The following SLC7A4 variants were observed in gnomAD, a reference collection of about 807,000 sequenced individuals.
SLC7A4 encodes solute carrier family 7 member 4.
A neutral mutation model predicts 37.8 loss-of-function variants in SLC7A4; 30 were observed. The observed-to-expected ratio is 0.79, with a 90% CI of 0.59 to 1.08. The LOEUF is 1.08. SLC7A4 is among the 50% of genes least tolerant of loss of function. The pLI, the probability that SLC7A4 is intolerant of heterozygous loss-of-function variation, is 0.00. For synonymous variants in SLC7A4, 359 were observed against 376.5 expected (o/e 0.95, Z 0.54); for missense variants, 839 against 843.2 (o/e 1.00, Z 0.06).
At position 21,028,983 on chromosome 22, in the gene SLC7A4, G is replaced by C; in HGVS notation, c.*72C>G. The C allele has an allele frequency of 6.8e-7, 1 of 1,478,500 alleles. No homozygotes were observed. The highest frequency in any genetic ancestry group is 9.0e-7 in the Non-Finnish European group (1 of 1,106,016). 91.6% of individuals were successfully genotyped at this position (1,478,500 alleles called of 1,614,324 possible). On this transcript the variant is annotated 3_prime_UTR_variant, in exon 5 of 5. Coordinates refer to ENST00000382932, the MANE Select transcript of SLC7A4 (RefSeq NM_004173.3). ...ACCCAGGCTGCCCACAACAGAAGGGGCTCTCGGCTTGTCTGGCCTCTCTGG... is the reference window on the plus strand; with the variant it reads ...ACCCAGGCTGCCCACAACAGAAGGGCCTCTCGGCTTGTCTGGCCTCTCTGG...
chr22:21,031,882 G>A, intron 1 of SLC7A4, 30 bp from the exon 2 acceptor site: 1 of 1,409,332 alleles, frequency 7.1e-7, no homozygotes, highest in Non-Finnish European at 9.3e-7. Context: ...ATGACAGGAT[G>A]CGTAGCCGGG....
rs945630200 is a variant in SLC7A4, at chr22:21,029,907, G to A, written c.1427C>T (p.Ala476Val). ...LGFLDGYSPG[A>V]VVTWALGVML... ...AACGCCAAGCGCCCAAGTCACCACT[G>A]CTCCAGGGCTGTACCCATCCAAGAA... The change falls in exon 3 of 5, where the codon GCA (alanine) becomes GTA (valine). Residue 476 changes from alanine to valine, a missense_variant. By Grantham distance (64) the Ala-to-Val change is moderately conservative. Coordinates refer to ENST00000382932, the MANE Select transcript of SLC7A4 (RefSeq NM_004173.3). 6.2e-7 allele frequency: 1 copy of A among 1,613,678 alleles called. No homozygotes were observed. The highest frequency in any genetic ancestry group is 8.5e-7 in the Non-Finnish European group (1 of 1,179,988).
At position 21,030,991 on chromosome 22, in the gene SLC7A4, G is replaced by C; in HGVS notation, c.822C>G (p.Ile274Met). The part of the protein sequence containing the change: ...PRRSVPLAIA[I>M]SLAIAAGAYI... ...AGGCACCAGCTGCAATGGCAAGCGA[G>C]ATGGCGATGGCCAGAGGCACAGACC... Residue 274 changes from isoleucine (I) to methionine (M), a missense_variant, in exon 2 of 5, where the codon ATC (isoleucine) becomes ATG (methionine). Transcript: ENST00000382932. 6.2e-7 allele frequency: 1 copy of C among 1,614,126 alleles called. No homozygotes were observed.
In SLC7A4 at chr22:21,031,586, C is replaced by G. The variant is rs138722356; in HGVS notation, c.227G>C (p.Gly76Ala). The G allele has an allele frequency of 1.1e-4, 170 of 1,607,226 alleles. No homozygotes were observed. The highest frequency in any genetic ancestry group is 1.3e-4 in the Non-Finnish European group (158 of 1,177,458). The change falls in exon 2 of 5, where the codon GGT (glycine) becomes GCT (alanine). Residue 76 changes from glycine to alanine, a missense_variant. Physicochemically the swap from Gly to Ala is moderately conservative, Grantham distance 60. Coordinates refer to ENST00000382932, the MANE Select transcript of SLC7A4 (RefSeq NM_004173.3). ...CAGCAGGGAGGCCACAGCGGCCACA[C>G]CGAAGGACAAGAGCACAGCAGGGCC... ...VAGPAVLLSF[G>A]VAAVASLLAA... is the part of the protein sequence containing the mutation.
At position 21,032,535 on chromosome 22, in the gene SLC7A4, T is replaced by C; in HGVS notation, c.-45A>G. The C allele has an allele frequency of 6.5e-6, 1 of 153,672 alleles. No homozygotes were observed. The highest frequency in any genetic ancestry group is 1.4e-5 in the Non-Finnish European group (1 of 69,196). The allele number at this position is 153,672 out of a possible 1,614,324, so 9.5% of individuals were successfully genotyped here. ...GCAGGATCTGCTGCAACCCACCTGCTGCTGCCGCAGCCGCTGCCTCCGCTC... is the reference window on the plus strand; with the variant it reads ...GCAGGATCTGCTGCAACCCACCTGCCGCTGCCGCAGCCGCTGCCTCCGCTC... On this transcript the variant is annotated 5_prime_UTR_variant, in exon 1 of 5. Transcript: ENST00000382932.
At chr22:21,032,311 A>G (rs1601793161) in intron 1 of SLC7A4, among the ~76,000 whole-genome samples, 1 of 152,130 alleles carries the variant, frequency 6.6e-6, no homozygotes, top group African/African-American at 2.4e-5. Context: ...AGTGGCGGCT[A>G]CATACACCCC....
At position 21,031,546 on chromosome 22, in the gene SLC7A4, A is replaced by G; in HGVS notation, c.267T>C (p.Tyr89=). 6.2e-7 allele frequency: 1 copy of G among 1,610,564 alleles called. No individual in the cohort carries two copies. Among genetic ancestry groups the G allele is most frequent in the South Asian group, 1.1e-5 (1 of 90,818 alleles). The stretch of plus-strand genomic sequence containing the variant: ...GTGGCACACGTGCCCCAAATTCTGC[A>G]TAGCATAGGGCTGCCAGCAGGGAGG... ...AVASLLAALC[Y]AEFGARVPRT... The change falls in exon 2 of 5, where the codon TAT becomes TAC. Residue 89 remains tyrosine, a synonymous_variant. Transcript: ENST00000382932.
Position 21,030,879 on chromosome 22 carries a change from G to T in SLC7A4, c.934C>A (p.Arg312=). ...DSALADAFYQ[R]GYRWAGFIVA... ...ATGAAGCCAGCCCACCTGTAGCCCC[G>T]CTGGTAGAAGGCATCTGCAAGCGCT... The change falls in exon 2 of 5, where the codon CGG becomes AGG. Residue 312 remains arginine, a synonymous_variant. Coordinates refer to ENST00000382932, the MANE Select transcript of SLC7A4 (RefSeq NM_004173.3). 6.2e-7 allele frequency: 1 copy of T among 1,611,354 alleles called. No homozygotes were observed. Among genetic ancestry groups the T allele is most frequent in the South Asian group, 1.1e-5 (1 of 90,672 alleles).
At chr22:21,029,570 A>G (rs1032406690) in intron 3 of SLC7A4, 126 bp from the exon 4 acceptor site, 1 of 1,135,954 alleles carries the variant, frequency 8.8e-7, no homozygotes, top group East Asian at 2.4e-5. Context: ...ACATGTGCTC[A>G]CTCACCATGC....
rs749906037 is a variant in SLC7A4 at position 21,031,661 on chromosome 22, AC to A, written c.151del (p.Val51TrpfsTer240). Reference protein sequence around the residue: ...DLTLLGVGGMVGSGLYVLTGA... With the variant: ...DLTLLGVGGMXGSGLYVLTGA... ...TGTGAGCACGTAGAGACCCGAGCCCACCATGCCACCCACGCCCAGAAGAGTC... is the reference window on the plus strand; with the variant it reads ...TGTGAGCACGTAGAGACCCGAGCCCACATGCCACCCACGCCCAGAAGAGTC... On this transcript the variant is annotated frameshift_variant, in exon 2 of 5. Coordinates refer to ENST00000382932, the MANE Select transcript of SLC7A4 (RefSeq NM_004173.3). LOFTEE classifies it high-confidence loss of function. 6.2e-7 allele frequency: 1 copy of A among 1,613,240 alleles called. No individual in the cohort carries two copies.
chr22:21,031,375 G>A lies in SLC7A4; in HGVS notation c.438C>T (p.Ser146=), dbSNP rs376022025. 30 of 1,610,712 alleles carry A rather than the reference G, an allele frequency of 1.9e-5. No individual in the cohort carries two copies. The East Asian group carries it at 2.7e-4, about 14-fold the overall frequency. ...AWSGYLDSMF[S]HSIRNFTETH... ...TCTCAGTGAAGTTGCGGATGCTGTG[G>A]CTGAACATAGAGTCCAGGTAGCCAC... Residue 146 remains serine (S), a synonymous_variant, in exon 2 of 5, where the codon AGC becomes AGT. Coordinates refer to ENST00000382932, the MANE Select transcript of SLC7A4 (RefSeq NM_004173.3).
rs1439707759 is a variant in SLC7A4, at chr22:21,028,924, T to C, written c.*131A>G. ...CAGCCCCTGGATGAAGGTCCTAAGGTCCTGAGGACTCCCCAGCCTGTGCAG... is the reference window on the plus strand; with the variant it reads ...CAGCCCCTGGATGAAGGTCCTAAGGCCCTGAGGACTCCCCAGCCTGTGCAG... On this transcript the variant is annotated 3_prime_UTR_variant, in exon 5 of 5. Coordinates refer to ENST00000382932, the MANE Select transcript of SLC7A4 (RefSeq NM_004173.3). 1.1e-6 allele frequency: 1 copy of C among 910,492 alleles called. No homozygotes were observed. Among genetic ancestry groups the C allele is most frequent in the Non-Finnish European group, 1.6e-6 (1 of 620,262 alleles). 56.4% of individuals were successfully genotyped at this position (910,492 alleles called of 1,614,324 possible). A position where few individuals can be genotyped will look rare whatever the true frequency, so the allele number is the denominator to read the frequency against.
rs916650960 is a variant in SLC7A4, at chr22:21,028,932, A to G, written c.*123T>C. 7.9e-6 allele frequency: 8 copies of G among 1,009,844 alleles called. No homozygotes were observed. Among genetic ancestry groups the G allele is most frequent in the Non-Finnish European group, 1.1e-5 (8 of 710,246 alleles). The allele number at this position is 1,009,844 out of a possible 1,614,324, so 62.6% of individuals were successfully genotyped here. On this transcript the variant is annotated 3_prime_UTR_variant, in exon 5 of 5. Transcript: ENST00000382932. ...GGATGAAGGTCCTAAGGTCCTGAGG[A>G]CTCCCCAGCCTGTGCAGGCCTGCAA...
Position 21,030,234 on chromosome 22 carries a change from G to A in SLC7A4, c.1100C>T (p.Pro367Leu). ...FAHVHPRTQV[P>L]VAGTLAFGLL... ...CCCGAACGCCAGGGTGCCCGCCACA[G>A]GCACCTGTGTCCGGGGGTGCACATG... Residue 367 changes from proline (P) to leucine (L), a missense_variant, in exon 3 of 5, where the codon CCT (proline) becomes CTT (leucine). Coordinates refer to ENST00000382932, the MANE Select transcript of SLC7A4 (RefSeq NM_004173.3). The A allele has an allele frequency of 6.2e-7, 1 of 1,613,920 alleles. No individual in the cohort carries two copies. Among genetic ancestry groups the A allele is most frequent in the Non-Finnish European group, 8.5e-7 (1 of 1,180,034 alleles).
rs150610830 is a variant in SLC7A4, at chr22:21,029,980, C to T, written c.1354G>A (p.Val452Ile). 39 of 1,613,790 alleles carry T rather than the reference C, an allele frequency of 2.4e-5. No homozygotes were observed. The highest frequency in any genetic ancestry group is 8.9e-5 in the East Asian group (4 of 44,890). ...LQLVGTVHASVPEPGELKPAL... is the reference protein window; with the variant it reads ...LQLVGTVHASIPEPGELKPAL... ...GGCTTCAGCTCCCCTGGCTCAGGGA[C>T]GGAGGCGTGTACAGTGCCCACCAGC... The change falls in exon 3 of 5, where the codon GTC becomes ATC. Residue 452 changes from valine (V) to isoleucine (I), a missense_variant. Val to Ile is a conservative substitution (Grantham distance 29, BLOSUM62 3). Coordinates refer to ENST00000382932, the MANE Select transcript of SLC7A4 (RefSeq NM_004173.3).
chr22:21,031,741 C>T lies in SLC7A4; in HGVS notation c.72G>A (p.Leu24=). ...LCQKLNRLKP[L]EDSTMETSLR... ...GTGACGTCTCCATGGTGGAGTCCTC[C>T]AGCGGCTTCAGGCGGTTCAGCTTCT... Residue 24 remains leucine, a synonymous_variant, in exon 2 of 5, where the codon CTG becomes CTA. Coordinates refer to ENST00000382932, the MANE Select transcript of SLC7A4 (RefSeq NM_004173.3). 1.3e-6 allele frequency: 2 copies of T among 1,597,438 alleles called. No individual in the cohort carries two copies. Among genetic ancestry groups the T allele is most frequent in the Non-Finnish European group, 1.7e-6 (2 of 1,171,822 alleles).
At chr22:21,030,605 G>A (rs1049865610) in intron 2 of SLC7A4, among the ~76,000 whole-genome samples, 2 of 152,202 alleles carry the variant, frequency 1.3e-5, no homozygotes, top group African/African-American at 4.8e-5. Flanking sequence ...TAATCTATAA[G>A]GACATGCCCA....
intron 2 of SLC7A4, 67 bp from the exon 3 acceptor site, chr22:21,030,418 C>A: frequency 6.6e-7 from 1 of 1,510,438 alleles, no homozygotes; most frequent in South Asian, 1.3e-5. Flanking sequence ...TGCTGGGGGT[C>A]GGTGCATGGG....
chr22:21,028,949 G>T lies in SLC7A4; in HGVS notation c.*106C>A. On this transcript the variant is annotated 3_prime_UTR_variant, in exon 5 of 5. Transcript: ENST00000382932. The stretch of plus-strand genomic sequence containing the variant: ...TCCTGAGGACTCCCCAGCCTGTGCA[G>T]GCCTGCAAACCCAGGCTGCCCACAA... 1 of 1,233,614 alleles carries T rather than the reference G, an allele frequency of 8.1e-7. No individual in the cohort carries two copies. Among genetic ancestry groups the T allele is most frequent in the Non-Finnish European group, 1.1e-6 (1 of 905,150 alleles). The allele number at this position is 1,233,614 out of a possible 1,614,324, so 76.4% of individuals were successfully genotyped here.
Sources: allele counts gnomAD v4.1 joint callset (sites outside exome capture counted in the v4.1 genomes callset), GRCh38; gene constraint gnomAD v4.1.1; transcripts MANE v1.5; gene names NCBI Gene and HGNC (gene_info 2026-07-23, HGNC 2026-07-21).